SLFN5: variants seen among roughly 807,000 people sequenced by gnomAD.
SLFN5 encodes schlafen family member 5.
SLFN5 carries 34 observed loss-of-function variants against 48.5 expected under a neutral mutation model. That is an observed-to-expected ratio of 0.70 (90% CI 0.53 to 0.93). SLFN5 has a LOEUF of 0.93. SLFN5 is among the 40% of genes least tolerant of loss of function. The probability of loss-of-function intolerance (pLI) is 0.00; values close to 1 mark genes in which losing one functional copy is unlikely to be tolerated. For synonymous variants in SLFN5, 387 were observed against 396.2 expected (o/e 0.98, Z 0.28); for missense variants, 1,006 against 1,071.3 (o/e 0.94, Z 0.85).
intron 1 of SLFN5, among the ~76,000 whole-genome samples, chr17:35,254,627 C>T (rs963204228): frequency 2.6e-5 from 4 of 152,230 alleles, no homozygotes; most frequent in Non-Finnish European, 5.9e-5. Context: ...TGCCCAGCAT[C>T]CATTACTGCA....
At position 35,264,716 on chromosome 17, in the gene SLFN5, A is replaced by T; in HGVS notation, c.1672A>T (p.Asn558Tyr). Residue 558 changes from asparagine to tyrosine, a missense_variant, in exon 4 of 5, where the codon AAT becomes TAT. By Grantham distance (143) the Asn-to-Tyr change is moderately radical. Coordinates refer to ENST00000299977, the MANE Select transcript of SLFN5 (RefSeq NM_144975.4). ...CTCTGAGGTTTTGAACCTACTGACA[A>T]ATAAACAGTATGAGTTGCTTTCAAA... is the stretch of plus-strand genomic sequence containing the variant. Reference protein sequence around the residue: ...LGSEVLNLLTNKQYELLSKNL... With the variant: ...LGSEVLNLLTYKQYELLSKNL... The T allele has an allele frequency of 1.2e-6, 2 of 1,607,228 alleles. No homozygotes were observed. The highest frequency in any genetic ancestry group is 1.7e-6 in the Non-Finnish European group (2 of 1,177,694).
At chr17:35,260,440 A>C (rs1047453558) in intron 2 of SLFN5, among the ~76,000 whole-genome samples, 5 of 152,124 alleles carry the variant, frequency 3.3e-5, no homozygotes, top group African/African-American at 9.7e-5. Context: ...AAATATAAAA[A>C]CAGTCTGGGC....
At chr17:35,260,948 A>G in intron 2 of SLFN5, 23 bp from the exon 3 acceptor site, 1 of 1,611,874 alleles carries the variant, frequency 6.2e-7, no homozygotes, top group Non-Finnish European at 8.5e-7. Context: ...TGCATATTGA[A>G]TCCTTGGTTC....
In SLFN5 at chr17:35,266,038, C is replaced by T; in HGVS notation, c.*150C>T. On this transcript the variant is annotated 3_prime_UTR_variant, in exon 5 of 5. Transcript: ENST00000299977. ...ATTGAGAACGAATCGATGTAAGATT[C>T]CTCCTTTAGGGCAGAGACAGACCAC... 1 of 807,050 alleles carries T rather than the reference C, an allele frequency of 1.2e-6. No homozygotes were observed. The highest frequency in any genetic ancestry group is 1.9e-6 in the Non-Finnish European group (1 of 532,660). The allele number at this position is 807,050 out of a possible 1,614,324, so 50.0% of individuals were successfully genotyped here.
At position 35,270,745 on chromosome 17, in the gene SLFN5, C is replaced by T. The variant is rs1421723788; in HGVS notation, c.*4857C>T. ...ATGTTTAGCAGCATCCTTGGCCCTA[C>T]TCCCTAGACGCCAGTAGCAAATCCA... On this transcript the variant is annotated 3_prime_UTR_variant, in exon 5 of 5. Transcript: ENST00000299977. The T allele has an allele frequency of 2.0e-5, 3 of 152,304 alleles. No homozygotes were observed. The highest frequency in any genetic ancestry group is 6.5e-5 in the Admixed American group (1 of 15,296). 9.4% of individuals were successfully genotyped at this position (152,304 alleles called of 1,614,324 possible). A position where few individuals can be genotyped will look rare whatever the true frequency, so the allele number is the denominator to read the frequency against.
At position 35,258,726 on chromosome 17, in the gene SLFN5, T is replaced by C. The variant is rs770324570; in HGVS notation, c.36T>C (p.Pro12=). Residue 12 remains proline (P), a synonymous_variant, in exon 2 of 5, where the codon CCT becomes CCC. Transcript: ENST00000299977. The stretch of plus-strand genomic sequence containing the variant: ...GGATTGATGTGGATACAAACTTTCC[T>C]GAGTGTGTTGTAGATGCAGGAAAAG... The part of the protein sequence containing the change: ...SLRIDVDTNF[P]ECVVDAGKVT... The C allele has an allele frequency of 9.9e-6, 16 of 1,614,038 alleles. No individual in the cohort carries two copies. In the Admixed American group the frequency reaches 2.7e-4, roughly 27 times the overall value.
chr17:35,246,688 C>T (rs1436743156), intron 1 of SLFN5, among the ~76,000 whole-genome samples: 2 of 151,970 alleles, frequency 1.3e-5, no homozygotes, highest in Non-Finnish European at 2.9e-5. Flanking sequence ...AATGCCATCT[C>T]TACTAAAATT....
intron 1 of SLFN5, among the ~76,000 whole-genome samples, chr17:35,251,738 G>A (rs2092443095): frequency 8.3e-6 from 1 of 120,050 alleles, no homozygotes; most frequent in African/African-American, 3.2e-5. Context: ...TTTAAAGACA[G>A]AGTCTTGTTC....
In SLFN5 at chr17:35,270,257, T is replaced by C. The variant is rs1345444999; in HGVS notation, c.*4369T>C. 1 of 152,234 alleles carries C rather than the reference T, an allele frequency of 6.6e-6. No homozygotes were observed. Among genetic ancestry groups the C allele is most frequent in the Non-Finnish European group, 1.5e-5 (1 of 68,042 alleles). 9.4% of individuals were successfully genotyped at this position (152,234 alleles called of 1,614,324 possible). On this transcript the variant is annotated 3_prime_UTR_variant, in exon 5 of 5. Transcript: ENST00000299977. ...TTTATTGCTTCCTTTTCTCTTTCAGTATTGCTAGAATTAATTTTATTGACT... is the reference window on the plus strand; with the variant it reads ...TTTATTGCTTCCTTTTCTCTTTCAGCATTGCTAGAATTAATTTTATTGACT...
chr17:35,246,202 T>A (rs2092430207), intron 1 of SLFN5, among the ~76,000 whole-genome samples: 1 of 152,244 alleles, frequency 6.6e-6, no homozygotes, highest in African/African-American at 2.4e-5. Flanking sequence ...CATTACTTTT[T>A]GAGTGTTCTA....
Position 35,267,053 on chromosome 17 carries a change from C to A in SLFN5, c.*1165C>A, listed in dbSNP as rs1904717575. ...ACTTGAAGCTAGAATTGGTTTATTT[C>A]TGGCAGCTACTTACAATATTAAGAA... On this transcript the variant is annotated 3_prime_UTR_variant, in exon 5 of 5. Transcript: ENST00000299977. 6.6e-6 allele frequency: 1 copy of A among 152,186 alleles called. No individual in the cohort carries two copies. Among genetic ancestry groups the A allele is most frequent in the Non-Finnish European group, 1.5e-5 (1 of 68,034 alleles). 9.4% of individuals were successfully genotyped at this position (152,186 alleles called of 1,614,324 possible).
chr17:35,264,970 C>T (rs977840295), intron 4 of SLFN5, 67 bp downstream of exon 4: 2 of 1,533,772 alleles, frequency 1.3e-6, no homozygotes, highest in Non-Finnish European at 1.7e-6. Flanking sequence ...TTTCAGTTTA[C>T]TTGCTAAAAT....
At chr17:35,258,629 G>T in intron 1 of SLFN5, 22 bp from the exon 2 acceptor site, 1 of 1,554,498 alleles carries the variant, frequency 6.4e-7, no homozygotes, top group South Asian at 1.2e-5. Flanking sequence ...TGTTCTAATG[G>T]TTCTATCTTT....
intron 1 of SLFN5, among the ~76,000 whole-genome samples, chr17:35,258,351 G>C (rs1904401651): frequency 6.6e-6 from 1 of 152,176 alleles, no homozygotes; most frequent in Non-Finnish European, 1.5e-5. Context: ...AGAAATGAAA[G>C]CCAAGTGAAA....
intron 1 of SLFN5, among the ~76,000 whole-genome samples, chr17:35,245,398 A>G (rs2092428446): frequency 6.6e-6 from 1 of 152,196 alleles, no homozygotes; most frequent in Non-Finnish European, 1.5e-5. Flanking sequence ...TCATCAGGCT[A>G]CTCAGAATGA....
Position 35,259,198 on chromosome 17 carries a change from G to T in SLFN5, c.508G>T (p.Val170Leu), listed in dbSNP as rs753837575. 26 of 1,614,118 alleles carry T rather than the reference G, an allele frequency of 1.6e-5. No homozygotes were observed. Among genetic ancestry groups the T allele is most frequent in the Non-Finnish European group, 2.0e-5 (24 of 1,180,042 alleles). ...GSVQYEGNIN[V>L]SAAALFDRKR... ...TGTACAATATGAAGGTAACATAAATGTGTCAGCTGCTGCTTTATTTGATAG... is the reference window on the plus strand; with the variant it reads ...TGTACAATATGAAGGTAACATAAATTTGTCAGCTGCTGCTTTATTTGATAG... Residue 170 changes from valine to leucine, a missense_variant, in exon 2 of 5, where the codon GTG (valine) becomes TTG (leucine). Val to Leu is a conservative substitution (Grantham distance 32). Coordinates refer to ENST00000299977, the MANE Select transcript of SLFN5 (RefSeq NM_144975.4).
Position 35,252,046 on chromosome 17 carries a change from G to A in SLFN5, c.-40-6605G>A, listed in dbSNP as rs898109080. Among the ~76,000 whole-genome samples the A allele has an allele frequency of 1.2e-3, 177 of 152,168 alleles. 2 individuals carry two copies. The highest frequency in any genetic ancestry group is 4.1e-3 in the African/African-American group (172 of 41,492). ...TGCTGGCACCAAATTATTTAAAATG[G>A]ATATTAGCTAAATTTCTCCATGAAA... is the stretch of plus-strand genomic sequence containing the variant. On this transcript the variant is annotated intron_variant, in intron 1 of 4. Transcript: ENST00000299977.
Position 35,265,903 on chromosome 17 carries a change from C to G in SLFN5, c.*15C>G, listed in dbSNP as rs367632348. The G allele has an allele frequency of 1.3e-6, 2 of 1,559,906 alleles. No individual in the cohort carries two copies. Among genetic ancestry groups the G allele is most frequent in the Non-Finnish European group, 1.7e-6 (2 of 1,156,526 alleles). On this transcript the variant is annotated 3_prime_UTR_variant, in exon 5 of 5. Transcript: ENST00000299977. ...CTTCTGTGTGACAGGAAACCCAAGC[C>G]TAAGAAACAATTAAGTGGTTCTCAT...
Position 35,265,326 on chromosome 17 carries a change from G to A in SLFN5, c.2114G>A (p.Arg705Lys). 1 of 1,614,136 alleles carries A rather than the reference G, an allele frequency of 6.2e-7. No homozygotes were observed. Among genetic ancestry groups the A allele is most frequent in the Non-Finnish European group, 8.5e-7 (1 of 1,180,040 alleles). The change falls in exon 5 of 5, where the codon AGA becomes AAA. Residue 705 changes from arginine to lysine, a missense_variant. Transcript: ENST00000299977. ...CCCCCTCCCTCAGACCAGTATCCAAGAGAAGAGATCAACAGAGTGGTCCGC... is the reference window on the plus strand; with the variant it reads ...CCCCCTCCCTCAGACCAGTATCCAAAAGAAGAGATCAACAGAGTGGTCCGC... ...GLPPPSDQYP[R>K]EEINRVVRNA...
Sources: gnomAD v4.1 joint callset for allele counts (sites outside exome capture counted in the v4.1 genomes callset) on GRCh38, gnomAD v4.1.1 for gene constraint, MANE v1.5 for transcripts, NCBI Gene and HGNC (gene_info 2026-07-23, HGNC 2026-07-21) for gene names.